Variants in VAV3 observed in about 807,000 individuals in gnomAD.
VAV3 encodes the protein guanine nucleotide exchange factor VAV3.
In VAV3, 94 loss-of-function variants were observed where a neutral mutation model predicts 131.2. The observed-to-expected ratio is 0.72, with a 90% confidence interval of 0.61 to 0.85. The LOEUF (loss-of-function observed/expected upper bound fraction) is 0.85. VAV3 is among the 40% of genes least tolerant of loss of function. The pLI, the probability that VAV3 is intolerant of heterozygous loss-of-function variation, is 0.00. For synonymous variants in VAV3, 349 were observed against 342.0 expected, an observed-to-expected ratio of 1.02 and a Z score of -0.22; for missense variants, 939 against 1,002.7, an observed-to-expected ratio of 0.94 and a Z score of 0.86.
At chr1:107,693,390 CT>C (rs559603832) in intron 17 of VAV3, among the ~76,000 whole-genome samples, 107 of 152,200 alleles carry the variant, frequency 7.0e-4, no homozygotes, top group African/African-American at 2.5e-3. Context: ...TTTTTTCATA[CT>C]TCAAATGCAC....
At chr1:107,673,939 C>A (rs1310594091) in intron 19 of VAV3, among the ~76,000 whole-genome samples, 1 of 152,136 alleles carries the variant, frequency 6.6e-6, no homozygotes, top group East Asian at 1.9e-4. Context: ...TTACAAAATG[C>A]AAAACTCTAG....
chr1:107,717,059 G>T (rs1226301841), intron 15 of VAV3, among the ~76,000 whole-genome samples: 1 of 152,172 alleles, frequency 6.6e-6, no homozygotes, highest in African/African-American at 2.4e-5. Context: ...AAGGTAGTTT[G>T]TATTTCTGTG....
At chr1:107,845,259 C>A (rs976044598) in intron 2 of VAV3, among the ~76,000 whole-genome samples, 3 of 152,118 alleles carry the variant, frequency 2.0e-5, no homozygotes, top group Non-Finnish European at 2.9e-5. Flanking sequence ...TCAACATCAA[C>A]GAAAAGGACG....
chr1:107,699,772 CA>C (rs1386059437), intron 17 of VAV3, among the ~76,000 whole-genome samples: 3 of 151,704 alleles, frequency 2.0e-5, no homozygotes, highest in African/African-American at 7.3e-5. Flanking sequence ...AGATTTTATT[CA>C]GGAACAATTG....
At chr1:107,884,431 TATTA>T (rs1670935416) in intron 1 of VAV3, among the ~76,000 whole-genome samples, 1 of 40,874 alleles carries the variant, frequency 2.4e-5, no homozygotes, top group Admixed American at 2.8e-4. Flanking sequence ...TTATTATTAT[TATTA>T]TTATTATTAT....
intron 1 of VAV3, among the ~76,000 whole-genome samples, chr1:107,894,743 G>A (rs570834546): frequency 6.6e-6 from 1 of 152,130 alleles, no homozygotes; most frequent in Non-Finnish European, 1.5e-5. Context: ...ATTTCAAACT[G>A]TTTGCTCACT....
At chr1:107,732,435 G>A (rs12028775) in intron 15 of VAV3, among the ~76,000 whole-genome samples, 1,574 of 152,320 alleles carry the variant, frequency 0.01, 23 homozygotes, top group South Asian at 0.044. Context: ...AGCTCAAGGG[G>A]TTGGGGGATT....
At chr1:107,694,897 G>A (rs1400149177) in intron 17 of VAV3, among the ~76,000 whole-genome samples, 1 of 152,174 alleles carries the variant, frequency 6.6e-6, no homozygotes, top group African/African-American at 2.4e-5. Flanking sequence ...TAATAAATGT[G>A]ATAAAAGTAA....
intron 19 of VAV3, among the ~76,000 whole-genome samples, chr1:107,665,691 C>T (rs1005807958): frequency 6.6e-6 from 1 of 152,166 alleles, no homozygotes; most frequent in Non-Finnish European, 1.5e-5. Flanking sequence ...CTGCACACAG[C>T]CATCCCTGCT....
chr1:107,658,518 C>A (rs549965509), intron 19 of VAV3, among the ~76,000 whole-genome samples: 1 of 151,994 alleles, frequency 6.6e-6, no homozygotes, highest in Non-Finnish European at 1.5e-5. Context: ...CCTGAGGAAT[C>A]GCCACACTGA....
At chr1:107,607,268 C>T (rs975990146) in intron 22 of VAV3, among the ~76,000 whole-genome samples, 3 of 152,166 alleles carry the variant, frequency 2.0e-5, no homozygotes, top group Non-Finnish European at 4.4e-5. Flanking sequence ...GATCATTTGA[C>T]AAGAACCTGA....
intron 1 of VAV3, among the ~76,000 whole-genome samples, chr1:107,926,394 G>A (rs559903736): frequency 1.3e-5 from 2 of 152,256 alleles, no homozygotes; most frequent in African/African-American, 4.8e-5. Flanking sequence ...GCAAGATGGT[G>A]GAATAGAAGG....
At chr1:107,897,642 C>T (rs1473487211) in intron 1 of VAV3, among the ~76,000 whole-genome samples, 1 of 152,008 alleles carries the variant, frequency 6.6e-6, no homozygotes, top group Non-Finnish European at 1.5e-5. Context: ...TTCACCCTGC[C>T]CATGACACCA....
At chr1:107,747,659 T>A (rs1241557994) in intron 15 of VAV3, among the ~76,000 whole-genome samples, 1 of 152,176 alleles carries the variant, frequency 6.6e-6, no homozygotes, top group Non-Finnish European at 1.5e-5. Context: ...TGCTGATACA[T>A]ATTACCTAGA....
chr1:107,853,574 G>T (rs1266478803), intron 2 of VAV3, among the ~76,000 whole-genome samples: 2 of 142,636 alleles, frequency 1.4e-5, no homozygotes, highest in African/African-American at 2.6e-5. Context: ...CATCCCTCAA[G>T]AACCAAAAAA....
At chr1:107,679,954 T>C (rs940644157) in intron 19 of VAV3, among the ~76,000 whole-genome samples, 1 of 152,166 alleles carries the variant, frequency 6.6e-6, no homozygotes, top group Admixed American at 6.5e-5. Context: ...ATTACTATAT[T>C]TATAAAAGCA....
chr1:107,938,502 G>A (rs1419141046), intron 1 of VAV3, among the ~76,000 whole-genome samples: 1 of 152,134 alleles, frequency 6.6e-6, no homozygotes, highest in African/African-American at 2.4e-5. Flanking sequence ...GATAAGAAAG[G>A]GGCAGAAATG....
intron 17 of VAV3, among the ~76,000 whole-genome samples, chr1:107,699,131 C>A (rs965165522): frequency 5.3e-5 from 8 of 152,206 alleles, no homozygotes; most frequent in South Asian, 2.1e-4. Flanking sequence ...ACTCAAAAGT[C>A]CACAGTTCAA....
intron 19 of VAV3, among the ~76,000 whole-genome samples, chr1:107,669,984 C>G (rs907806118): frequency 1.3e-5 from 2 of 152,282 alleles, no homozygotes; most frequent in East Asian, 1.9e-4. Flanking sequence ...AATTATATGA[C>G]ATGATTTTGT....
Sources: allele counts gnomAD v4.1 joint callset (sites outside exome capture counted in the v4.1 genomes callset), GRCh38; gene constraint gnomAD v4.1.1; transcripts MANE v1.5; gene names NCBI Gene and HGNC (gene_info 2026-07-23, HGNC 2026-07-21).